The following CCSER1 variants were observed in gnomAD, a reference collection of about 807,000 sequenced individuals.
The protein encoded by CCSER1 is serine-rich coiled-coil domain-containing protein 1.
In CCSER1, 41 loss-of-function variants were observed where a neutral mutation model predicts 82.0. The ratio of observed to expected loss-of-function variants is 0.50; its 90% CI spans 0.39 to 0.65. The LOEUF (loss-of-function observed/expected upper bound fraction) is 0.65. CCSER1 is among the 30% of genes least tolerant of loss of function. The pLI is 0.00. For missense variants in CCSER1, 1,119 were observed against 1,064.2 expected (o/e 1.05, Z -0.72); for synonymous variants, 414 against 383.9 (o/e 1.08, Z -0.92).
intron 1 of CCSER1, among the ~76,000 whole-genome samples, chr4:90,246,205 T>C (rs114567750): frequency 0.011 from 1,606 of 152,230 alleles, 11 homozygotes; most frequent in African/African-American, 0.022. Flanking sequence ...AAAAATAATG[T>C]GTATGTGTGT....
At chr4:90,128,122 G>C (rs571494185) in intron 1 of CCSER1, among the ~76,000 whole-genome samples, 1 of 152,140 alleles carries the variant, frequency 6.6e-6, no homozygotes, top group East Asian at 1.9e-4. Context: ...CTGCGGCCGC[G>C]GCGGCCGCTC....
intron 10 of CCSER1, among the ~76,000 whole-genome samples, chr4:91,596,427 A>T (rs1166512373): frequency 6.6e-6 from 1 of 152,066 alleles, no homozygotes; most frequent in Non-Finnish European, 1.5e-5. Flanking sequence ...TTTTTTCCAC[A>T]ATATTTCATA....
intron 10 of CCSER1, among the ~76,000 whole-genome samples, chr4:91,579,899 G>A (rs1197257442): frequency 6.6e-6 from 1 of 151,748 alleles, no homozygotes; most frequent in Non-Finnish European, 1.5e-5. Flanking sequence ...AAATATCTAT[G>A]TTCCTGAAAA....
intron 8 of CCSER1, among the ~76,000 whole-genome samples, chr4:90,912,322 G>C (rs1199907270): frequency 6.6e-6 from 1 of 152,146 alleles, no homozygotes; most frequent in African/African-American, 2.4e-5. Flanking sequence ...AGCAACATTT[G>C]CTGTTCACCA....
chr4:90,580,527 C>A (rs1458587680), intron 5 of CCSER1, among the ~76,000 whole-genome samples: 1 of 152,158 alleles, frequency 6.6e-6, no homozygotes, highest in Non-Finnish European at 1.5e-5. Context: ...TGTAAACTAT[C>A]TGATCAAACC....
intron 5 of CCSER1, among the ~76,000 whole-genome samples, chr4:90,606,027 A>T (rs1784660565): frequency 6.6e-6 from 1 of 152,148 alleles, no homozygotes; most frequent in Non-Finnish European, 1.5e-5. Flanking sequence ...ATATAAAGAT[A>T]CCTATTGATT....
At chr4:90,682,982 A>G (rs1439800051) in intron 6 of CCSER1, 2 of 152,192 alleles carry the variant, frequency 1.3e-5, no homozygotes, top group Admixed American at 6.6e-5. Flanking sequence ...GGTGAAAAAC[A>G]TGATTGAAAG....
intron 9 of CCSER1, among the ~76,000 whole-genome samples, chr4:91,036,720 G>A (rs191130181): frequency 1.4e-4 from 22 of 152,122 alleles, no homozygotes; most frequent in African/African-American, 4.6e-4. Flanking sequence ...GTCTTAGAAT[G>A]GAAATAAAAA....
intron 10 of CCSER1, among the ~76,000 whole-genome samples, chr4:91,575,138 C>T (rs1259437166): frequency 2.0e-5 from 3 of 151,958 alleles, no homozygotes; most frequent in Admixed American, 2.0e-4. Flanking sequence ...TCAATAAATA[C>T]TGTTGGGAAA....
At chr4:90,872,747 C>T (rs1020042497) in intron 8 of CCSER1, among the ~76,000 whole-genome samples, 1 of 151,958 alleles carries the variant, frequency 6.6e-6, no homozygotes, top group African/African-American at 2.4e-5. Flanking sequence ...TGCTTGTTAA[C>T]ATCCTTTACT....
chr4:91,311,154 A>G (rs547448360), intron 10 of CCSER1, among the ~76,000 whole-genome samples: 22 of 152,086 alleles, frequency 1.4e-4, no homozygotes, highest in African/African-American at 5.1e-4. Flanking sequence ...ACATATGTTA[A>G]AATCTTGTCT....
At chr4:90,300,859 T>C (rs950767679) in intron 1 of CCSER1, among the ~76,000 whole-genome samples, 6 of 152,160 alleles carry the variant, frequency 3.9e-5, no homozygotes, top group African/African-American at 1.2e-4. Flanking sequence ...AGGGTCTCGC[T>C]CTGTCACCCA....
intron 10 of CCSER1, among the ~76,000 whole-genome samples, chr4:91,502,518 TAATCAC>T (rs1759262626): frequency 6.6e-6 from 1 of 152,194 alleles, no homozygotes; most frequent in Non-Finnish European, 1.5e-5. Context: ...TTAACTCATT[TAATCAC>T]ACCACAATCC....
chr4:90,204,155 G>A (rs1326372358), intron 1 of CCSER1, among the ~76,000 whole-genome samples: 1 of 152,182 alleles, frequency 6.6e-6, no homozygotes, highest in Non-Finnish European at 1.5e-5. Flanking sequence ...TTTTCACTCT[G>A]ACGATAGTTT....
chr4:90,335,856 G>C (rs1360977279), intron 3 of CCSER1, among the ~76,000 whole-genome samples: 1 of 152,094 alleles, frequency 6.6e-6, no homozygotes, highest in Admixed American at 6.5e-5. Context: ...GATTTTAAGT[G>C]GTCCTCCCGC....
intron 6 of CCSER1, among the ~76,000 whole-genome samples, chr4:90,703,376 G>T (rs1190988665): frequency 1.3e-5 from 2 of 152,158 alleles, no homozygotes; most frequent in Non-Finnish European, 2.9e-5. Flanking sequence ...ATTTGCTGAG[G>T]AGTGCTTTAC....
At chr4:91,248,174 A>G (rs528141996) in intron 10 of CCSER1, among the ~76,000 whole-genome samples, 3 of 152,362 alleles carry the variant, frequency 2.0e-5, no homozygotes, top group East Asian at 3.9e-4. Flanking sequence ...TCCAAAGTAT[A>G]AGATAAATAC....
At chr4:90,670,800 T>A (rs747271742) in intron 6 of CCSER1, among the ~76,000 whole-genome samples, 2 of 151,948 alleles carry the variant, frequency 1.3e-5, no homozygotes, top group Admixed American at 6.6e-5. Flanking sequence ...TTAATATATT[T>A]AAAAAAAATA....
intron 9 of CCSER1, among the ~76,000 whole-genome samples, chr4:90,966,451 C>T (rs939736784): frequency 6.6e-6 from 1 of 152,022 alleles, no homozygotes; most frequent in Non-Finnish European, 1.5e-5. Context: ...ATATTCAGTA[C>T]TGAAACAAAG....
Sources: gnomAD v4.1 joint callset for allele counts (sites outside exome capture counted in the v4.1 genomes callset) on GRCh38, gnomAD v4.1.1 for gene constraint, MANE v1.5 for transcripts, NCBI Gene and HGNC (gene_info 2026-07-23, HGNC 2026-07-21) for gene names.